The following NBEA variants were observed in gnomAD, a reference collection of about 807,000 sequenced individuals.
NBEA encodes the protein neurobeachin.
A neutral mutation model predicts 343.4 loss-of-function variants in NBEA; 44 were observed. That is an observed-to-expected ratio of 0.13 (90% CI 0.10 to 0.16). NBEA has a LOEUF of 0.16. Among genes scored for constraint, NBEA ranks in the 10% least tolerant of loss-of-function variants. The pLI is 1.00. For synonymous variants in NBEA, 1,175 were observed against 1,238.7 expected (o/e 0.95, Z 1.08); for missense variants, 2,555 against 3,631.3 (o/e 0.70, Z 7.62).
chr13:35,287,559 G>T (rs1037158631), intron 34 of NBEA, among the ~76,000 whole-genome samples: 2 of 151,602 alleles, frequency 1.3e-5, no homozygotes, highest in African/African-American at 2.4e-5. Flanking sequence ...GTTTTTTTCA[G>T]ATTTTCTCTT....
At chr13:35,311,436 A>G (rs1042690025) in intron 36 of NBEA, among the ~76,000 whole-genome samples, 1 of 152,058 alleles carries the variant, frequency 6.6e-6, no homozygotes, top group African/African-American at 2.4e-5. Context: ...AGGGGGTGGA[A>G]AATTTGCTAA....
intron 34 of NBEA, among the ~76,000 whole-genome samples, chr13:35,284,503 C>T (rs1326313530): frequency 6.6e-6 from 1 of 152,056 alleles, no homozygotes; most frequent in African/African-American, 2.4e-5. Context: ...ATTTGTAATA[C>T]AGTTTTAAAA....
At chr13:35,063,739 A>G (rs2063548175) in intron 8 of NBEA, among the ~76,000 whole-genome samples, 2 of 152,172 alleles carry the variant, frequency 1.3e-5, no homozygotes, top group Non-Finnish European at 1.5e-5. Flanking sequence ...GGGCTGTTGC[A>G]GTTATTTAGT....
intron 34 of NBEA, among the ~76,000 whole-genome samples, chr13:35,277,442 A>G: frequency 6.6e-6 from 1 of 151,548 alleles, no homozygotes; most frequent in Non-Finnish European, 1.5e-5. Flanking sequence ...ACCAACATGG[A>G]GAAACCCTGT....
chr13:35,363,372 A>G (rs577414347), intron 38 of NBEA, among the ~76,000 whole-genome samples: 68 of 152,002 alleles, frequency 4.5e-4, no homozygotes, highest in Admixed American at 8.6e-4. Flanking sequence ...TACCTAGGGC[A>G]TGGCTATATG....
At chr13:35,323,626 A>G (rs935721592) in intron 36 of NBEA, among the ~76,000 whole-genome samples, 23 of 151,592 alleles carry the variant, frequency 1.5e-4, no homozygotes, top group African/African-American at 4.6e-4. Context: ...ATGACGAGTT[A>G]GTGGGTGCAG....
chr13:35,110,052 A>AATTTTTTTTTTTTTTTTTTTTTTT (rs1566299514), intron 12 of NBEA, among the ~76,000 whole-genome samples: 5 of 89,240 alleles, frequency 5.6e-5, no homozygotes, highest in Admixed American at 1.4e-4. Context: ...TTTTTTTTTT[A>AATTTTTTTTTTTTTTTTTTTTTTT]AATGTTTTTT....
At chr13:35,044,863 A>T in intron 2 of NBEA, 84 bp from the exon 3 acceptor site, 1 of 895,302 alleles carries the variant, frequency 1.1e-6, no homozygotes, top group Non-Finnish European at 1.7e-6. Flanking sequence ...TAACAATGAT[A>T]ACTTTTTTCT....
At chr13:35,208,069 AAT>A (rs1376262447) in intron 31 of NBEA, among the ~76,000 whole-genome samples, 1 of 152,000 alleles carries the variant, frequency 6.6e-6, no homozygotes, top group Non-Finnish European at 1.5e-5. Flanking sequence ...AAAATACAAA[AAT>A]TACCTGAGTG....
intron 48 of NBEA, among the ~76,000 whole-genome samples, chr13:35,607,032 T>C (rs2082306437): frequency 6.6e-6 from 1 of 152,178 alleles, no homozygotes; most frequent in Admixed American, 6.6e-5. Flanking sequence ...GTGTAAACAT[T>C]CTGAAATAGA....
chr13:35,000,126 T>G (rs2061077141), intron 1 of NBEA, among the ~76,000 whole-genome samples: 1 of 152,128 alleles, frequency 6.6e-6, no homozygotes, highest in Admixed American at 6.6e-5. Context: ...TAGAATAAGA[T>G]AGACATAAGG....
Position 35,159,917 on chromosome 13 carries a change from G to T in NBEA, c.3746G>T (p.Ser1249Ile). The change falls in exon 22 of 59, where the codon AGC becomes ATC. Residue 1249 changes from serine (S) to isoleucine (I), a missense_variant. This residue lies in a region of NBEA where 367 missense variants were observed against 377.5 expected (regional missense o/e 0.97). Transcript: ENST00000379939. ...ACTCTGGAAACTGAGTCTTCTAGTA[G>T]CAAAATTGTACCAAATATTGATGCA... ...ATTLETESSS[S>I]KIVPNIDAGS... 1 of 1,595,520 alleles carries T rather than the reference G, an allele frequency of 6.3e-7. No homozygotes were observed. Among genetic ancestry groups the T allele is most frequent in the Non-Finnish European group, 8.5e-7 (1 of 1,170,188 alleles).
At chr13:35,281,303 A>T (rs2035035855) in intron 34 of NBEA, among the ~76,000 whole-genome samples, 1 of 152,146 alleles carries the variant, frequency 6.6e-6, no homozygotes. Context: ...CTGATTACTC[A>T]TCTCTAATTT....
At chr13:35,627,347 A>T (rs910055652) in intron 48 of NBEA, among the ~76,000 whole-genome samples, 8 of 152,104 alleles carry the variant, frequency 5.3e-5, no homozygotes, top group African/African-American at 1.9e-4. Context: ...ATGCACCATC[A>T]CTACTTATTT....
At chr13:35,045,887 C>T in intron 4 of NBEA, among the ~76,000 whole-genome samples, 1 of 151,902 alleles carries the variant, frequency 6.6e-6, no homozygotes, top group East Asian at 1.9e-4. Context: ...GCCACCATGC[C>T]CAGCTAATTT....
intron 44 of NBEA, among the ~76,000 whole-genome samples, chr13:35,555,702 T>C (rs2079543327): frequency 6.6e-6 from 1 of 152,056 alleles, no homozygotes; most frequent in African/African-American, 2.4e-5. Flanking sequence ...TACTTCATCT[T>C]TTTTCTTAAG....
intron 53 of NBEA, among the ~76,000 whole-genome samples, chr13:35,653,531 G>T (rs892417415): frequency 1.3e-5 from 2 of 151,876 alleles, no homozygotes; most frequent in Non-Finnish European, 2.9e-5. Flanking sequence ...GGGTTTCACC[G>T]TGTTGGCCAG....
At chr13:35,396,771 G>T (rs1037193799) in intron 38 of NBEA, among the ~76,000 whole-genome samples, 3 of 152,140 alleles carry the variant, frequency 2.0e-5, no homozygotes, top group Non-Finnish European at 4.4e-5. Context: ...ATCTGTTAGA[G>T]ATTCAATTTA....
intron 1 of NBEA, among the ~76,000 whole-genome samples, chr13:35,035,912 G>A (rs2062424599): frequency 6.6e-6 from 1 of 151,890 alleles, no homozygotes; most frequent in South Asian, 2.1e-4. Flanking sequence ...CTTTATAGGT[G>A]AAGTGTGTTT....
Sources: allele counts gnomAD v4.1 joint callset (sites outside exome capture counted in the v4.1 genomes callset), GRCh38; gene constraint gnomAD v4.1.1; regional missense constraint gnomAD v4.1.1; transcripts MANE v1.5; gene names NCBI Gene and HGNC (gene_info 2026-07-23, HGNC 2026-07-21).